INTS9: variants seen among roughly 807,000 people sequenced by gnomAD.
INTS9 encodes the protein integrator complex subunit 9.
In INTS9, 55 loss-of-function variants were observed where a neutral mutation model predicts 79.7. The ratio of observed to expected loss-of-function variants is 0.69; its 90% CI spans 0.56 to 0.86. The LOEUF is 0.86. Ranked by LOEUF, INTS9 falls within the 40% of genes least tolerant of loss-of-function variation. The pLI, the probability that INTS9 is intolerant of heterozygous loss-of-function variation, is 0.00. For missense variants in INTS9, 721 were observed against 831.5 expected, an observed-to-expected ratio of 0.87 and a Z score of 1.64; for synonymous variants, 319 against 325.2, an observed-to-expected ratio of 0.98 and a Z score of 0.20.
intron 12 of INTS9, among the ~76,000 whole-genome samples, chr8:28,780,065 T>C (rs987758313): frequency 6.6e-5 from 10 of 150,914 alleles, no homozygotes; most frequent in African/African-American, 2.2e-4. Context: ...TTTTTTTTTT[T>C]TTTCTTTTTT....
chr8:28,794,037 T>A, intron 9 of INTS9, 50 bp from the exon 10 acceptor site: 1 of 1,361,498 alleles, frequency 7.3e-7, no homozygotes, highest in Non-Finnish European at 9.8e-7. Context: ...AAAAGGGCAG[T>A]GTTATAAAGA....
rs73554871 is a variant in INTS9 at position 28,885,624 on chromosome 8, A to T, written c.9+4250T>A. On this transcript the variant is annotated intron_variant, in intron 1 of 16. Coordinates refer to ENST00000521022, the MANE Select transcript of INTS9 (RefSeq NM_018250.4). Reference sequence around the variant, plus strand: ...AGGCTGCATTCTTGAACTGCTTTGGATTATTTTATTCGCTTGACTCTTCAT... The same window carrying T: ...AGGCTGCATTCTTGAACTGCTTTGGTTTATTTTATTCGCTTGACTCTTCAT... 5.0e-3 allele frequency among the ~76,000 whole-genome samples: 766 copies of T among 152,312 alleles called. 3 individuals are homozygous for T. Among genetic ancestry groups the T allele is most frequent in the African/African-American group, 0.016 (673 of 41,558 alleles).
intron 1 of INTS9, among the ~76,000 whole-genome samples, chr8:28,869,806 T>G (rs529579423): frequency 6.6e-6 from 1 of 152,272 alleles, no homozygotes; most frequent in East Asian, 1.9e-4. Flanking sequence ...AATCTTAGCA[T>G]GCATGGTGAA....
chr8:28,799,093 G>A (rs1660918472), intron 8 of INTS9, among the ~76,000 whole-genome samples: 1 of 152,086 alleles, frequency 6.6e-6, no homozygotes, highest in Non-Finnish European at 1.5e-5. Flanking sequence ...TCAGGCGTTC[G>A]AGACCAGCCT....
chr8:28,803,319 A>G (rs1804627849), intron 8 of INTS9, among the ~76,000 whole-genome samples: 1 of 152,252 alleles, frequency 6.6e-6, no homozygotes, highest in Non-Finnish European at 1.5e-5. Flanking sequence ...GTATTCAAAT[A>G]CAGGTTCGCA....
At chr8:28,872,247 G>A (rs1257927078) in intron 1 of INTS9, among the ~76,000 whole-genome samples, 3 of 152,244 alleles carry the variant, frequency 2.0e-5, no homozygotes, top group South Asian at 4.1e-4. Flanking sequence ...AACTAGATGG[G>A]TGCAAACAAT....
At chr8:28,793,648 G>C in intron 10 of INTS9, 159 bp downstream of exon 10, 1 of 663,374 alleles carries the variant, frequency 1.5e-6, no homozygotes, top group Non-Finnish European at 2.4e-6. Flanking sequence ...CAATGCAACA[G>C]ATTTGGCTTT....
At chr8:28,802,491 G>A (rs1408840427) in intron 8 of INTS9, among the ~76,000 whole-genome samples, 1 of 152,142 alleles carries the variant, frequency 6.6e-6, no homozygotes, top group Non-Finnish European at 1.5e-5. Context: ...TAGCTTCAAG[G>A]CCAAAAGTTA....
intron 6 of INTS9, among the ~76,000 whole-genome samples, chr8:28,814,064 T>C (rs993355659): frequency 1.3e-5 from 2 of 148,958 alleles, no homozygotes; most frequent in African/African-American, 5.1e-5. Context: ...CAGCCATTTC[T>C]TTTTTTAAAA....
chr8:28,870,819 A>C (rs1809050336), intron 1 of INTS9, among the ~76,000 whole-genome samples: 2 of 152,156 alleles, frequency 1.3e-5, no homozygotes, highest in South Asian at 4.1e-4. Context: ...GCCTGGTATA[A>C]TACGTTTCAG....
At chr8:28,882,532 T>TAAAAAAAAAA (rs369293166) in intron 1 of INTS9, among the ~76,000 whole-genome samples, 7 of 63,288 alleles carry the variant, frequency 1.1e-4, no homozygotes, top group South Asian at 4.9e-4. Flanking sequence ...TATTAACAGC[T>TAAAAAAAAAA]AAAAAAAAAA....
chr8:28,802,917 C>T (rs978272477), intron 8 of INTS9, among the ~76,000 whole-genome samples: 2 of 149,374 alleles, frequency 1.3e-5, no homozygotes, highest in African/African-American at 5.0e-5. Flanking sequence ...CAAGACCACC[C>T]TGGGCAACAT....
chr8:28,860,664 A>G (rs531395600), intron 1 of INTS9, among the ~76,000 whole-genome samples: 2 of 152,320 alleles, frequency 1.3e-5, no homozygotes, highest in East Asian at 3.9e-4. Context: ...TTTTTAGTAG[A>G]GATGGGGTTT....
intron 6 of INTS9, among the ~76,000 whole-genome samples, chr8:28,824,620 T>C (rs1330418995): frequency 6.6e-6 from 1 of 152,034 alleles, no homozygotes; most frequent in East Asian, 1.9e-4. Context: ...CTGGCAGGAG[T>C]ACAGGGAAGT....
intron 11 of INTS9, among the ~76,000 whole-genome samples, chr8:28,783,169 A>G (rs1488270151): frequency 1.5e-5 from 2 of 134,950 alleles, no homozygotes; most frequent in Non-Finnish European, 3.2e-5. Flanking sequence ...AAAAAAAAAA[A>G]GAAGCAGGTG....
chr8:28,837,670 A>G lies in INTS9; in HGVS notation c.368T>C (p.Val123Ala). 1.9e-6 allele frequency: 3 copies of G among 1,613,720 alleles called. No homozygotes were observed. The highest frequency in any genetic ancestry group is 2.5e-6 in the Non-Finnish European group (3 of 1,179,982). ...CTGGACGGTGGGTTCCGTGGCATAC[A>G]CTGTGCCTGTGAAGCCGGTGTGCTC... Reference protein sequence around the residue: ...ITEHTGFTGTVYATEPTVQIG... With the variant: ...ITEHTGFTGTAYATEPTVQIG... The change falls in exon 5 of 17, where the codon GTG becomes GCG. Residue 123 changes from valine to alanine, a missense_variant. By Grantham distance (64) the Val-to-Ala change is moderately conservative. Transcript: ENST00000521022.
intron 8 of INTS9, among the ~76,000 whole-genome samples, chr8:28,804,963 A>C (rs566670969): frequency 3.5e-4 from 53 of 152,308 alleles, no homozygotes; most frequent in African/African-American, 1.3e-3. Context: ...GTAGGTGGGA[A>C]ATACACAAGA....
At chr8:28,858,046 T>A (rs562274703) in intron 2 of INTS9, among the ~76,000 whole-genome samples, 1 of 151,904 alleles carries the variant, frequency 6.6e-6, no homozygotes, top group Non-Finnish European at 1.5e-5. Flanking sequence ...ATGAGAACAG[T>A]AGAACTGGGT....
intron 12 of INTS9, chr8:28,780,457 A>C (rs1408111516): frequency 1.0e-6 from 1 of 985,252 alleles, no homozygotes; most frequent in African/African-American, 1.7e-5. Context: ...AGTTAGAGTA[A>C]ACCACAATCA....
Sources: gnomAD v4.1 joint callset for allele counts (sites outside exome capture counted in the v4.1 genomes callset) on GRCh38, gnomAD v4.1.1 for gene constraint, MANE v1.5 for transcripts, NCBI Gene and HGNC (gene_info 2026-07-23, HGNC 2026-07-21) for gene names.